Variants in FAM13B observed in about 807,000 individuals in gnomAD.
The protein encoded by FAM13B is family with sequence similarity 13 member B.
In FAM13B, 60 loss-of-function variants were observed where a neutral mutation model predicts 117.3. The ratio of observed to expected loss-of-function variants is 0.51; its 90% CI spans 0.42 to 0.63. FAM13B has a LOEUF of 0.63. FAM13B is among the 30% of genes least tolerant of loss of function. FAM13B has a pLI of 0.00. For synonymous variants in FAM13B, 332 were observed against 356.1 expected (o/e 0.93, Z 0.76); for missense variants, 972 against 1,091.9 (o/e 0.89, Z 1.55).
intron 14 of FAM13B, among the ~76,000 whole-genome samples, chr5:137,954,954 T>C (rs905481992): frequency 6.6e-6 from 1 of 152,138 alleles, no homozygotes; most frequent in Non-Finnish European, 1.5e-5. Flanking sequence ...TTTAAATTTC[T>C]GAACCCAGTG....
At chr5:137,946,181 CTT>C in intron 19 of FAM13B, 45 bp downstream of exon 19, 1 of 1,504,466 alleles carries the variant, frequency 6.6e-7, no homozygotes, top group Non-Finnish European at 9.1e-7. Context: ...GATTCATGTT[CTT>C]TTTTAAGACA....
At chr5:138,047,626 T>G (rs1204052883) in intron 1 of FAM13B, among the ~76,000 whole-genome samples, 1 of 152,180 alleles carries the variant, frequency 6.6e-6, no homozygotes. Flanking sequence ...GACCCAGAGA[T>G]GGGGAAATTA....
chr5:137,949,875 C>G (rs1475377289), intron 17 of FAM13B, among the ~76,000 whole-genome samples: 1 of 151,750 alleles, frequency 6.6e-6, no homozygotes, highest in Non-Finnish European at 1.5e-5. Flanking sequence ...GGTGGGAAGA[C>G]CACATTGAGC....
chr5:138,044,029 C>A (rs1415135994), intron 1 of FAM13B, among the ~76,000 whole-genome samples: 2 of 152,108 alleles, frequency 1.3e-5, no homozygotes, highest in Non-Finnish European at 2.9e-5. Context: ...AGTGATCCTC[C>A]CACCTCAACC....
chr5:138,012,461 G>A (rs977182997), intron 4 of FAM13B, among the ~76,000 whole-genome samples: 13 of 152,120 alleles, frequency 8.5e-5, no homozygotes, highest in South Asian at 4.1e-4. Flanking sequence ...TTCTCCTGGC[G>A]TCCTAAAATA....
intron 4 of FAM13B, among the ~76,000 whole-genome samples, chr5:138,013,022 C>G (rs1784425959): frequency 6.6e-6 from 1 of 150,406 alleles, no homozygotes; most frequent in Admixed American, 6.7e-5. Context: ...TGGGCAACAT[C>G]ACGAAACCCC....
chr5:137,942,094 T>C, intron 22 of FAM13B, 49 bp from the exon 23 acceptor site: 1 of 1,465,636 alleles, frequency 6.8e-7, no homozygotes, highest in Non-Finnish European at 9.5e-7. Context: ...ATTCATTATA[T>C]TCTTAAGAGA....
intron 5 of FAM13B, 103 bp from the exon 6 acceptor site, chr5:138,011,252 T>A: frequency 9.6e-7 from 1 of 1,045,198 alleles, no homozygotes; most frequent in Non-Finnish European, 1.4e-6. Context: ...CAATTTATGT[T>A]ACCATTCTGT....
intron 10 of FAM13B, among the ~76,000 whole-genome samples, chr5:137,972,697 A>T (rs1023859554): frequency 6.6e-6 from 1 of 151,948 alleles, no homozygotes; most frequent in East Asian, 1.9e-4. Flanking sequence ...ACATGATTGT[A>T]TATCTAGAAA....
intron 20 of FAM13B, among the ~76,000 whole-genome samples, chr5:137,945,075 C>T (rs72801644): frequency 0.024 from 3,717 of 151,848 alleles, 77 homozygotes; most frequent in Middle Eastern, 0.041. Flanking sequence ...AATTAAACTG[C>T]ACATATACCC....
At chr5:137,982,457 G>A (rs1776027501) in intron 10 of FAM13B, among the ~76,000 whole-genome samples, 1 of 152,126 alleles carries the variant, frequency 6.6e-6, no homozygotes, top group Non-Finnish European at 1.5e-5. Context: ...GGGAGGCAGA[G>A]GTTGTGGTGA....
chr5:138,022,371 T>C (rs1207554302), intron 1 of FAM13B, among the ~76,000 whole-genome samples: 1 of 152,206 alleles, frequency 6.6e-6, no homozygotes, highest in Non-Finnish European at 1.5e-5. Context: ...AACAAATCTT[T>C]TAATAAGCTC....
At chr5:138,026,628 CA>C (rs56195021) in intron 1 of FAM13B, among the ~76,000 whole-genome samples, 2,063 of 29,380 alleles carry the variant, frequency 0.07, 18 homozygotes, top group Non-Finnish European at 0.08. Flanking sequence ...GACCGTGTCT[CA>C]AAAAAAAAAA....
At chr5:137,970,402 G>A (rs909591753) in intron 10 of FAM13B, among the ~76,000 whole-genome samples, 15 of 151,786 alleles carry the variant, frequency 9.9e-5, no homozygotes, top group African/African-American at 3.4e-4. Context: ...TTACAGACAA[G>A]CAAATGCTGA....
chr5:137,956,574 TA>T, intron 13 of FAM13B, 32 bp from the exon 14 acceptor site: 1 of 1,510,328 alleles, frequency 6.6e-7, no homozygotes, highest in Non-Finnish European at 9.0e-7. Flanking sequence ...CAAAAAATAC[TA>T]AAGTGAACAC....
Position 138,046,756 on chromosome 5 carries a change from C to CT in FAM13B, c.-203+5121dup, listed in dbSNP as rs926965936. On this transcript the variant is annotated intron_variant, in intron 1 of 3. Coordinates refer to the FAM13B transcript ENST00000502471. ...ATTTCTTCTTTTCTTTTTTTCTTTTCTTTTTTTTGAAATGGAGTCCCACTC... is the reference window on the plus strand; with the variant it reads ...ATTTCTTCTTTTCTTTTTTTCTTTTCTTTTTTTTTGAAATGGAGTCCCACTC... Among the ~76,000 whole-genome samples, 21 of 151,434 alleles carry CT rather than the reference C, an allele frequency of 1.4e-4. 1 individual carries two copies. In the East Asian group the frequency reaches 1.9e-3, roughly 14 times the overall value.
intron 4 of FAM13B, among the ~76,000 whole-genome samples, chr5:138,015,335 T>C (rs1262781279): frequency 1.3e-5 from 2 of 152,268 alleles, no homozygotes; most frequent in Non-Finnish European, 2.9e-5. Flanking sequence ...GAAATGCAAC[T>C]GCAACAGTGC....
intron 14 of FAM13B, among the ~76,000 whole-genome samples, chr5:137,955,924 G>A (rs780620501): frequency 6.6e-5 from 10 of 152,072 alleles, no homozygotes; most frequent in Non-Finnish European, 1.0e-4. Context: ...GAGCCACCAC[G>A]CCCGGCAGCT....
intron 7 of FAM13B, among the ~76,000 whole-genome samples, chr5:138,006,477 G>A (rs1207707541): frequency 6.6e-6 from 1 of 152,180 alleles, no homozygotes; most frequent in African/African-American, 2.4e-5. Context: ...TAAATAGTGT[G>A]CCCAGTGGTC....
Sources: allele counts gnomAD v4.1 joint callset (sites outside exome capture counted in the v4.1 genomes callset), GRCh38; gene constraint gnomAD v4.1.1; transcripts MANE v1.5; gene names NCBI Gene and HGNC (gene_info 2026-07-23, HGNC 2026-07-21).